SPOCK3: variants seen among roughly 807,000 people sequenced by gnomAD.
SPOCK3 encodes SPARC (osteonectin), cwcv and kazal like domains proteoglycan 3, also known as testican-3.
In SPOCK3, 30 loss-of-function variants were observed where a neutral mutation model predicts 56.6. The observed-to-expected ratio is 0.53, with a 90% confidence interval of 0.40 to 0.72. The LOEUF (loss-of-function observed/expected upper bound fraction) is 0.72. Among genes scored for constraint, SPOCK3 ranks in the 30% least tolerant of loss-of-function variants. The pLI, the probability that SPOCK3 is intolerant of heterozygous loss-of-function variation, is 0.00. For synonymous variants in SPOCK3, 196 were observed against 183.3 expected, an observed-to-expected ratio of 1.07 and a Z score of -0.56; for missense variants, 527 against 530.0, an observed-to-expected ratio of 0.99 and a Z score of 0.06.
chr4:167,126,677 T>C (rs1298640463), intron 2 of SPOCK3, among the ~76,000 whole-genome samples: 1 of 152,022 alleles, frequency 6.6e-6, no homozygotes, highest in East Asian at 1.9e-4. Flanking sequence ...AGGCCCACTA[T>C]ACCTGAGCTC....
At chr4:167,049,724 A>G (rs1049305842) in intron 3 of SPOCK3, among the ~76,000 whole-genome samples, 7 of 152,168 alleles carry the variant, frequency 4.6e-5, no homozygotes, top group Non-Finnish European at 7.4e-5. Flanking sequence ...TTAAAACACT[A>G]TATTTCTAGA....
At chr4:167,137,464 T>A (rs574501043) in intron 2 of SPOCK3, among the ~76,000 whole-genome samples, 1 of 152,162 alleles carries the variant, frequency 6.6e-6, no homozygotes, top group African/African-American at 2.4e-5. Context: ...CCATTATTTT[T>A]ATTTAAAAAT....
intron 3 of SPOCK3, 111 bp from the exon 4 acceptor site, chr4:167,000,574 T>G (rs775643392): frequency 2.2e-5 from 12 of 556,348 alleles, no homozygotes; most frequent in Middle Eastern, 7.0e-4. Context: ...ATTGTAAACT[T>G]TCTTCACATT....
intron 2 of SPOCK3, among the ~76,000 whole-genome samples, chr4:167,078,684 T>C (rs1369064271): frequency 6.6e-6 from 1 of 151,810 alleles, no homozygotes; most frequent in African/African-American, 2.4e-5. Context: ...TATCATCCTT[T>C]ACCTCAATTT....
rs952159347 is a variant in SPOCK3, at chr4:166,733,581, A to T, written c.*1340T>A. 6.6e-6 allele frequency: 1 copy of T among 151,934 alleles called. No homozygotes were observed. Among genetic ancestry groups the T allele is most frequent in the African/African-American group, 2.4e-5 (1 of 41,438 alleles). The allele number at this position is 151,934 out of a possible 1,614,324, so 9.4% of individuals were successfully genotyped here. On this transcript the variant is annotated 3_prime_UTR_variant, in exon 11 of 11. Transcript: ENST00000357545. ...ACCCACTGTTGAAATTAAAGATACC[A>T]ATACGTAACATTCAACAGGTTTTTC...
chr4:167,176,089 G>A (rs1196309916), intron 2 of SPOCK3, among the ~76,000 whole-genome samples: 1 of 151,842 alleles, frequency 6.6e-6, no homozygotes, highest in Non-Finnish European at 1.5e-5. Flanking sequence ...GCATTCCTTG[G>A]TTCATGGCCC....
Position 166,813,874 on chromosome 4 carries a change from T to G in SPOCK3, c.590-21585A>C, listed in dbSNP as rs193001086. ...TAACATGTCTGAATAGAATCTAATT[T>G]GAGGCACTAAGGAGGATAAGGCATT... is the stretch of plus-strand genomic sequence containing the variant. On this transcript the variant is annotated intron_variant, in intron 6 of 10. Coordinates refer to ENST00000357545, the MANE Select transcript of SPOCK3 (RefSeq NM_001040159.2). Among the ~76,000 whole-genome samples the G allele has an allele frequency of 2.1e-4, 32 of 152,164 alleles. No individual in the cohort carries two copies. In the East Asian group the frequency reaches 5.2e-3, roughly 25 times the overall value.
chr4:166,742,395 T>TA (rs1234616890), intron 8 of SPOCK3, among the ~76,000 whole-genome samples: 3 of 152,262 alleles, frequency 2.0e-5, no homozygotes, highest in African/African-American at 2.4e-5. Context: ...AAAAGATACT[T>TA]ATATGATGAA....
chr4:166,746,466 C>G (rs982342550), intron 8 of SPOCK3, among the ~76,000 whole-genome samples: 1 of 152,134 alleles, frequency 6.6e-6, no homozygotes, highest in African/African-American at 2.4e-5. Flanking sequence ...ACCAGAATCT[C>G]TGGGACACAT....
chr4:166,793,187 C>T (rs557919072), intron 6 of SPOCK3, among the ~76,000 whole-genome samples: 1 of 152,168 alleles, frequency 6.6e-6, no homozygotes, highest in South Asian at 2.1e-4. Context: ...GTAATTCATG[C>T]TAATACTCAT....
chr4:167,123,038 C>A lies in SPOCK3; in HGVS notation c.190-60501G>T, dbSNP rs191830287. ...ATTAAACGTCATGTCCTCAGTAACA[C>A]TAGTGTTGTGAAAGGGGAAAAAAAG... On this transcript the variant is annotated intron_variant, in intron 2 of 10. Coordinates refer to ENST00000357545, the MANE Select transcript of SPOCK3 (RefSeq NM_001040159.2). Among the ~76,000 whole-genome samples the A allele has an allele frequency of 2.0e-5, 3 of 151,084 alleles. No individual in the cohort carries two copies. The East Asian group carries it at 5.9e-4, about 30-fold the overall frequency.
At chr4:166,809,673 T>C (rs957643920) in intron 6 of SPOCK3, among the ~76,000 whole-genome samples, 1 of 152,100 alleles carries the variant, frequency 6.6e-6, no homozygotes, top group African/African-American at 2.4e-5. Flanking sequence ...ACATTTACTT[T>C]GCTATGTTGA....
intron 4 of SPOCK3, among the ~76,000 whole-genome samples, chr4:166,963,098 A>T (rs1261888276): frequency 2.0e-5 from 3 of 152,086 alleles, no homozygotes; most frequent in Non-Finnish European, 4.4e-5. Context: ...AGGAACCTGC[A>T]TCATCAAATC....
At chr4:167,091,326 A>G (rs1758679442) in intron 2 of SPOCK3, among the ~76,000 whole-genome samples, 1 of 152,230 alleles carries the variant, frequency 6.6e-6, no homozygotes, top group African/African-American at 2.4e-5. Flanking sequence ...TTATTATTTC[A>G]TAATGAACTG....
chr4:167,125,894 T>C (rs1482071625), intron 2 of SPOCK3, among the ~76,000 whole-genome samples: 1 of 152,044 alleles, frequency 6.6e-6, no homozygotes, highest in Admixed American at 6.6e-5. Context: ...ATCCCACAAT[T>C]ATTATTTCCG....
At chr4:166,900,391 C>G (rs552965425) in intron 5 of SPOCK3, among the ~76,000 whole-genome samples, 125 of 152,242 alleles carry the variant, frequency 8.2e-4, no homozygotes, top group Non-Finnish European at 1.3e-3. Context: ...GTCTCTGCCT[C>G]CCTCACCTCC....
chr4:166,934,889 T>A (rs1740216345), intron 4 of SPOCK3, among the ~76,000 whole-genome samples: 1 of 150,346 alleles, frequency 6.7e-6, no homozygotes. Flanking sequence ...TATAGAAAGC[T>A]AAAAGCTGAA....
At chr4:166,902,406 A>G (rs541781762) in intron 5 of SPOCK3, among the ~76,000 whole-genome samples, 101 of 152,092 alleles carry the variant, frequency 6.6e-4, no homozygotes, top group African/African-American at 2.4e-3. Context: ...TCACTTCTGG[A>G]AAGTTCTCAA....
chr4:166,831,796 T>C (rs1326758262), intron 6 of SPOCK3, among the ~76,000 whole-genome samples: 1 of 151,140 alleles, frequency 6.6e-6, no homozygotes, highest in Non-Finnish European at 1.5e-5. Context: ...TCTGCTCTTC[T>C]CTTTAATATT....
Sources: allele counts gnomAD v4.1 joint callset (sites outside exome capture counted in the v4.1 genomes callset), GRCh38; gene constraint gnomAD v4.1.1; transcripts MANE v1.5; gene names NCBI Gene and HGNC (gene_info 2026-07-23, HGNC 2026-07-21).